The following UNC5C variants were observed in gnomAD, a reference collection of about 807,000 sequenced individuals.
The protein encoded by UNC5C is netrin receptor UNC5C.
Under a neutral mutation model 99.8 loss-of-function variants are expected in UNC5C, and 47 were observed. The observed-to-expected ratio is 0.47, with a 90% CI of 0.37 to 0.60. The LOEUF is 0.60. Ranked by LOEUF, UNC5C falls within the 20% of genes least tolerant of loss-of-function variation. The pLI, the probability that UNC5C is intolerant of heterozygous loss-of-function variation, is 0.00. For synonymous variants in UNC5C, 487 were observed against 452.2 expected (o/e 1.08, Z -0.98); for missense variants, 1,062 against 1,165.9 (o/e 0.91, Z 1.30).
At chr4:95,216,320 G>T in intron 9 of UNC5C, 109 bp from the exon 10 acceptor site, 1 of 790,370 alleles carries the variant, frequency 1.3e-6, no homozygotes, top group Non-Finnish European at 2.0e-6. Flanking sequence ...TTTCTCTAAA[G>T]ACATGTAAAT....
At chr4:95,260,901 T>C (rs1740197236) in intron 4 of UNC5C, among the ~76,000 whole-genome samples, 1 of 152,152 alleles carries the variant, frequency 6.6e-6, no homozygotes, top group Non-Finnish European at 1.5e-5. Context: ...GCTTTGTACT[T>C]AGTGATTCCT....
At chr4:95,348,564 G>A (rs1029687659) in intron 1 of UNC5C, among the ~76,000 whole-genome samples, 1 of 148,908 alleles carries the variant, frequency 6.7e-6, no homozygotes, top group African/African-American at 2.5e-5. Flanking sequence ...TGCACAATGT[G>A]GTAGATATAC....
chr4:95,348,602 AGT>A (rs1404951628), intron 1 of UNC5C, among the ~76,000 whole-genome samples: 13 of 149,134 alleles, frequency 8.7e-5, no homozygotes, highest in African/African-American at 1.7e-4. Context: ...AGTCATTAAA[AGT>A]ATTTTTTAAT....
intron 2 of UNC5C, among the ~76,000 whole-genome samples, chr4:95,315,962 C>T (rs893550345): frequency 2.6e-5 from 4 of 152,048 alleles, no homozygotes; most frequent in African/African-American, 9.7e-5. Flanking sequence ...AATGCATTTA[C>T]TTCATATCTT....
chr4:95,537,911 A>C (rs1257129256), intron 1 of UNC5C, among the ~76,000 whole-genome samples: 1 of 152,070 alleles, frequency 6.6e-6, no homozygotes, highest in East Asian at 1.9e-4. Flanking sequence ...GCTAAAAGTA[A>C]AAAAAATCAC....
At chr4:95,204,313 C>A (rs929980143) in intron 11 of UNC5C, among the ~76,000 whole-genome samples, 4 of 152,120 alleles carry the variant, frequency 2.6e-5, no homozygotes, top group African/African-American at 9.7e-5. Context: ...AGCTGAAAGA[C>A]CATGTATGGG....
intron 4 of UNC5C, among the ~76,000 whole-genome samples, chr4:95,277,895 C>T (rs1426957507): frequency 1.3e-5 from 2 of 152,186 alleles, no homozygotes; most frequent in African/African-American, 4.8e-5. Context: ...ACACTCTCTT[C>T]TTACACTCAC....
At chr4:95,221,727 G>A (rs1738473756) in intron 7 of UNC5C, among the ~76,000 whole-genome samples, 1 of 152,172 alleles carries the variant, frequency 6.6e-6, no homozygotes, top group South Asian at 2.1e-4. Flanking sequence ...GTGATTGGGT[G>A]AGTGCTGCTT....
At chr4:95,356,213 C>CAAAAAAAA (rs869165569) in intron 1 of UNC5C, among the ~76,000 whole-genome samples, 2 of 78,154 alleles carry the variant, frequency 2.6e-5, no homozygotes, top group Non-Finnish European at 5.1e-5. Flanking sequence ...AAAAAAAAAA[C>CAAAAAAAA]AAAACAAAAA....
chr4:95,372,255 T>C (rs760353518), intron 1 of UNC5C, among the ~76,000 whole-genome samples: 2 of 152,338 alleles, frequency 1.3e-5, no homozygotes, highest in Middle Eastern at 3.4e-3. Context: ...GCAGTAGGCA[T>C]GCTGCAGGAT....
chr4:95,267,949 A>AATTTT (rs959480166), intron 4 of UNC5C, among the ~76,000 whole-genome samples: 1 of 117,568 alleles, frequency 8.5e-6, no homozygotes, highest in African/African-American at 3.4e-5. Context: ...GAATTTTGTG[A>AATTTT]TTTTTTTTTT....
chr4:95,241,376 T>G (rs1739326190), intron 7 of UNC5C, among the ~76,000 whole-genome samples: 1 of 152,190 alleles, frequency 6.6e-6, no homozygotes, highest in Non-Finnish European at 1.5e-5. Flanking sequence ...ACATAATTGT[T>G]TATTTGTATT....
In UNC5C at chr4:95,218,174, C is replaced by CA. The variant is rs149484499; in HGVS notation, c.1645+794dup. Among the ~76,000 whole-genome samples, 1,008 of 152,224 alleles carry CA rather than the reference C, an allele frequency of 6.6e-3. 16 individuals are homozygous for CA. The highest frequency in any genetic ancestry group is 0.023 in the African/African-American group (940 of 41,532). On this transcript the variant is annotated intron_variant, in intron 9 of 15. Coordinates refer to ENST00000453304, the MANE Select transcript of UNC5C (RefSeq NM_003728.4). ...GGTATTACTGTATTTACAAAATACTCACAGCCTTGCCCAAAAGAATTAGAT... is the reference window on the plus strand; with the variant it reads ...GGTATTACTGTATTTACAAAATACTCAACAGCCTTGCCCAAAAGAATTAGAT...
intron 7 of UNC5C, among the ~76,000 whole-genome samples, chr4:95,236,194 A>G (rs1162131779): frequency 6.6e-6 from 1 of 152,186 alleles, no homozygotes; most frequent in Non-Finnish European, 1.5e-5. Context: ...CAAATGTCCA[A>G]CAATGATAGA....
At position 95,166,385 on chromosome 4, in the gene UNC5C, A is replaced by G. The variant is rs927562791; in HGVS notation, c.*2849T>C. On this transcript the variant is annotated 3_prime_UTR_variant, in exon 16 of 16. Transcript: ENST00000453304. ...ATGTATGGAAGTTGTCATTCACTTAATAGGAAACATTAAGGGTTCTGACAG... is the reference window on the plus strand; with the variant it reads ...ATGTATGGAAGTTGTCATTCACTTAGTAGGAAACATTAAGGGTTCTGACAG... The G allele has an allele frequency of 6.6e-6, 1 of 152,236 alleles. No individual in the cohort carries two copies. Among genetic ancestry groups the G allele is most frequent in the Non-Finnish European group, 1.5e-5 (1 of 68,038 alleles). 9.4% of individuals were successfully genotyped at this position (152,236 alleles called of 1,614,324 possible).
At chr4:95,513,509 T>C (rs1444554851) in intron 1 of UNC5C, among the ~76,000 whole-genome samples, 1 of 152,174 alleles carries the variant, frequency 6.6e-6, no homozygotes, top group Non-Finnish European at 1.5e-5. Context: ...AATAGACAAA[T>C]TTTGCTGAAA....
At chr4:95,376,254 A>G (rs1159307601) in intron 1 of UNC5C, among the ~76,000 whole-genome samples, 1 of 151,868 alleles carries the variant, frequency 6.6e-6, no homozygotes, top group East Asian at 1.9e-4. Context: ...ATATATGCAT[A>G]CACACAAATA....
At chr4:95,216,377 G>A (rs1366509848) in intron 9 of UNC5C, among the ~76,000 whole-genome samples, 166 bp from the exon 10 acceptor site, 3 of 152,032 alleles carry the variant, frequency 2.0e-5, no homozygotes, top group Non-Finnish European at 4.4e-5. Flanking sequence ...CCTTACCACG[G>A]CTCCCTCTGA....
intron 1 of UNC5C, among the ~76,000 whole-genome samples, chr4:95,354,628 T>A (rs560400810): frequency 6.6e-6 from 1 of 151,722 alleles, no homozygotes; most frequent in Non-Finnish European, 1.5e-5. Context: ...ACTACAGGCA[T>A]GCACCACTAT....
Sources: allele counts gnomAD v4.1 joint callset (sites outside exome capture counted in the v4.1 genomes callset), GRCh38; gene constraint gnomAD v4.1.1; transcripts MANE v1.5; gene names NCBI Gene and HGNC (gene_info 2026-07-23, HGNC 2026-07-21).